The following YWHAH variants were observed in gnomAD, a reference collection of about 807,000 sequenced individuals.
The protein encoded by YWHAH is tyrosine 3-monooxygenase/tryptophan 5-monooxygenase activation protein eta.
YWHAH carries 6 observed loss-of-function variants against 22.9 expected under a neutral mutation model. That is an observed-to-expected ratio of 0.26 (90% CI 0.14 to 0.52). YWHAH has a LOEUF of 0.52. YWHAH is among the 20% of genes least tolerant of loss of function. The pLI is 0.97. For synonymous variants in YWHAH, 135 were observed against 124.5 expected (o/e 1.08, Z -0.56); for missense variants, 173 against 308.6 (o/e 0.56, Z 3.29).
At chr22:31,955,732 G>A (rs973826712) in intron 1 of YWHAH, among the ~76,000 whole-genome samples, 3 of 152,160 alleles carry the variant, frequency 2.0e-5, no homozygotes, top group African/African-American at 4.8e-5. Context: ...ATAAGCCATC[G>A]CGCCCGGCCT....
In YWHAH at chr22:31,947,357, C is replaced by A. The variant is rs985605306; in HGVS notation, c.87+2537C>A. On this transcript the variant is annotated intron_variant, in intron 1 of 1. Coordinates refer to ENST00000248975, the MANE Select transcript of YWHAH (RefSeq NM_003405.4). ...AGTGATGTTGCTGTTATTAACAAGT[C>A]AGTTTTGCCTTCAGTCTTCTAACTT... is the stretch of plus-strand genomic sequence containing the variant. 3 of 458,182 alleles carry A rather than the reference C, an allele frequency of 6.5e-6. No homozygotes were observed. In the Admixed American group the frequency reaches 7.3e-5, roughly 11 times the overall value. 28.4% of individuals were successfully genotyped at this position (458,182 alleles called of 1,614,324 possible).
chr22:31,954,719 T>G (rs1309582559), intron 1 of YWHAH, among the ~76,000 whole-genome samples: 1 of 152,034 alleles, frequency 6.6e-6, no homozygotes, highest in African/African-American at 2.4e-5. Context: ...CACTCCAGTC[T>G]TTGCCTCCAC....
At chr22:31,955,662 C>G (rs577309293) in intron 1 of YWHAH, among the ~76,000 whole-genome samples, 4 of 152,028 alleles carry the variant, frequency 2.6e-5, no homozygotes, top group Non-Finnish European at 4.4e-5. Context: ...AGAATGGTCT[C>G]GATCTCTTGA....
intron 1 of YWHAH, chr22:31,945,116 G>T (rs1249080316): frequency 4.6e-6 from 5 of 1,077,488 alleles, no homozygotes; most frequent in Middle Eastern, 4.1e-4. Context: ...ACCCGGCCGG[G>T]GGCAGAGGGT....
intron 1 of YWHAH, among the ~76,000 whole-genome samples, chr22:31,950,803 G>A (rs1172326121): frequency 6.6e-6 from 1 of 152,158 alleles, no homozygotes; most frequent in Admixed American, 6.5e-5. Flanking sequence ...TGGTCTGTTG[G>A]TGGATATCTT....
chr22:31,945,422 G>C, intron 1 of YWHAH: 1 of 1,303,138 alleles, frequency 7.7e-7, no homozygotes, highest in South Asian at 1.2e-5. Context: ...TGGGCGGAGG[G>C]TGTGGGGCCC....
At chr22:31,950,076 C>CTTTTTTTTTTTTTTT (rs557406783) in intron 1 of YWHAH, among the ~76,000 whole-genome samples, 2 of 42,192 alleles carry the variant, frequency 4.7e-5, no homozygotes, top group Non-Finnish European at 9.8e-5. Flanking sequence ...GCTTGGAGGC[C>CTTTTTTTTTTTTTTT]TTTTTTTTTT....
chr22:31,944,573 C>T lies in YWHAH; in HGVS notation c.-161C>T, dbSNP rs571378044. The T allele has an allele frequency of 1.2e-4, 40 of 331,752 alleles. No individual in the cohort carries two copies. In the South Asian group the frequency reaches 4.6e-3, roughly 38 times the overall value. The allele number at this position is 331,752 out of a possible 1,614,324, so 20.6% of individuals were successfully genotyped here. On this transcript the variant is annotated 5_prime_UTR_variant, in exon 1 of 2. Coordinates refer to ENST00000248975, the MANE Select transcript of YWHAH (RefSeq NM_003405.4). ...CGAGCCAGCGAGAGGGCGCGAGCGGCGGCGCTGCCTGCAGCCTGCAGCCTG... is the reference window on the plus strand; with the variant it reads ...CGAGCCAGCGAGAGGGCGCGAGCGGTGGCGCTGCCTGCAGCCTGCAGCCTG...
intron 1 of YWHAH, chr22:31,947,594 T>G (rs1352568361): frequency 2.3e-6 from 1 of 438,242 alleles, no homozygotes; most frequent in African/African-American, 2.0e-5. Flanking sequence ...CAAGAAATGT[T>G]TCTGAAGTGA....
intron 1 of YWHAH, among the ~76,000 whole-genome samples, chr22:31,951,978 G>C (rs2093843859): frequency 1.3e-5 from 2 of 152,184 alleles, no homozygotes; most frequent in East Asian, 3.8e-4. Flanking sequence ...CTGTGAGCAG[G>C]GGTGGCGAAA....
chr22:31,957,160 T>G lies in YWHAH; in HGVS notation c.*368T>G, dbSNP rs186550345. On this transcript the variant is annotated 3_prime_UTR_variant, in exon 2 of 2. Transcript: ENST00000248975. The stretch of plus-strand genomic sequence containing the variant: ...AGATCCATTTAAAACAAGCTGATAG[T>G]GTTTCGTTAAGCAGTACATCTTGTG... 10 of 187,520 alleles carry G rather than the reference T, an allele frequency of 5.3e-5. No individual in the cohort carries two copies. The highest frequency in any genetic ancestry group is 5.6e-5 in the Non-Finnish European group (5 of 88,688). The allele number at this position is 187,520 out of a possible 1,614,324, so 11.6% of individuals were successfully genotyped here. A position where few individuals can be genotyped will look rare whatever the true frequency, so the allele number is the denominator to read the frequency against.
chr22:31,945,948 T>TCCGAAAAAAAACTGCCAA (rs1386170844), intron 1 of YWHAH, among the ~76,000 whole-genome samples: 1 of 152,014 alleles, frequency 6.6e-6, no homozygotes, highest in Non-Finnish European at 1.5e-5. Flanking sequence ...TGGAGGGAGT[T>TCCGAAAAAAAACTGCCAA]CCGAAAAAAA....
In YWHAH at chr22:31,956,104, T is replaced by A; in HGVS notation, c.88-35T>A. The stretch of plus-strand genomic sequence containing the variant: ...GGCTTCTTACCAAGATTTTCAGATT[T>A]TGCTTTCAATGTTTATCTTTTTGGG... On this transcript the variant is annotated intron_variant, in intron 1 of 1. Coordinates refer to ENST00000248975, the MANE Select transcript of YWHAH (RefSeq NM_003405.4). The surrounding 1 kb of genome is among the most constrained non-coding windows in gnomAD (Gnocchi z 5.1). 3.9e-6 allele frequency: 6 copies of A among 1,552,292 alleles called. 1 individual carries two copies. The South Asian group carries it at 7.4e-5, about 19-fold the overall frequency.
In YWHAH at chr22:31,944,657, C is replaced by G; in HGVS notation, c.-77C>G. On this transcript the variant is annotated 5_prime_UTR_variant, in exon 1 of 2. Transcript: ENST00000248975. ...GCGCGGCGGCGGCCTCCGCAGCGACCGGGGAGCGGACTGACCGGCGGGAGG... is the reference window on the plus strand; with the variant it reads ...GCGCGGCGGCGGCCTCCGCAGCGACGGGGGAGCGGACTGACCGGCGGGAGG... 8.8e-7 allele frequency: 1 copy of G among 1,130,484 alleles called. No homozygotes were observed. Among genetic ancestry groups the G allele is most frequent in the Non-Finnish European group, 1.1e-6 (1 of 907,168 alleles). 70.0% of individuals were successfully genotyped at this position (1,130,484 alleles called of 1,614,324 possible). A position where few individuals can be genotyped will look rare whatever the true frequency, so the allele number is the denominator to read the frequency against.
rs888633828 is a variant in YWHAH at position 31,947,333 on chromosome 22, G to A, written c.87+2513G>A. On this transcript the variant is annotated intron_variant, in intron 1 of 1. Coordinates refer to ENST00000248975, the MANE Select transcript of YWHAH (RefSeq NM_003405.4). ...TTAGGTCCTCTGAAGTATAAAACTA[G>A]TGATGTTGCTGTTATTAACAAGTCA... The A allele has an allele frequency of 6.8e-6, 3 of 442,694 alleles. No homozygotes were observed. In the East Asian group the frequency reaches 2.1e-4, roughly 31 times the overall value. 27.4% of individuals were successfully genotyped at this position (442,694 alleles called of 1,614,324 possible). A position where few individuals can be genotyped will look rare whatever the true frequency, so the allele number is the denominator to read the frequency against.
chr22:31,944,972 C>G (rs1176509422), intron 1 of YWHAH, 152 bp downstream of exon 1: 3 of 1,120,730 alleles, frequency 2.7e-6, no homozygotes, highest in Non-Finnish European at 3.3e-6. Context: ...CCGCGCTTCC[C>G]GCTCCCGCTG....
At chr22:31,947,087 A>T (rs2093836013) in intron 1 of YWHAH, among the ~76,000 whole-genome samples, 2 of 152,176 alleles carry the variant, frequency 1.3e-5, no homozygotes, top group African/African-American at 4.8e-5. Context: ...TCTTAATGTT[A>T]CTGGGATGAC....
chr22:31,950,466 T>C, intron 1 of YWHAH: 2 of 773,610 alleles, frequency 2.6e-6, no homozygotes, highest in Non-Finnish European at 4.8e-6. Context: ...GCACAGCTTC[T>C]GAAGCCTTCA....
At chr22:31,945,893 AATT>A (rs2093833755) in intron 1 of YWHAH, among the ~76,000 whole-genome samples, 1 of 152,186 alleles carries the variant, frequency 6.6e-6, no homozygotes. Flanking sequence ...TAAGTCTGAG[AATT>A]ACTGCCCATG....
Sources: gnomAD v4.1 joint callset for allele counts (sites outside exome capture counted in the v4.1 genomes callset) on GRCh38, gnomAD v4.1.1 for gene constraint, Gnocchi (gnomAD v3.1) non-coding constraint, MANE v1.5 for transcripts, NCBI Gene and HGNC (gene_info 2026-07-23, HGNC 2026-07-21) for gene names.